The following SOX5 variants were observed in gnomAD, a reference collection of about 807,000 sequenced individuals.
The protein encoded by SOX5 is SRY-box transcription factor 5, also known as transcription factor SOX-5.
Under a neutral mutation model 92.0 loss-of-function variants are expected in SOX5, and 9 were observed. The observed-to-expected ratio is 0.10, with a 90% confidence interval of 0.06 to 0.17. The LOEUF (loss-of-function observed/expected upper bound fraction) is 0.17. SOX5 is among the 10% of genes least tolerant of loss of function. The probability of loss-of-function intolerance (pLI) is 1.00; values close to 1 mark genes in which losing one functional copy is unlikely to be tolerated. For missense variants in SOX5, 642 were observed against 944.5 expected (o/e 0.68, Z 4.20); for synonymous variants, 344 against 336.3 (o/e 1.02, Z -0.25).
chr12:23,688,932 A>G (rs2139987767), intron 6 of SOX5, among the ~76,000 whole-genome samples: 1 of 152,290 alleles, frequency 6.6e-6, no homozygotes, highest in Non-Finnish European at 1.5e-5. Context: ...TTTCTAAAAA[A>G]AGATCAGGAA....
At chr12:23,573,111 A>G (rs1453385228) in intron 10 of SOX5, among the ~76,000 whole-genome samples, 1 of 152,074 alleles carries the variant, frequency 6.6e-6, no homozygotes, top group Non-Finnish European at 1.5e-5. Flanking sequence ...ATCACTTTTC[A>G]TATCTATACA....
chr12:23,761,596 C>T (rs1226853263), intron 3 of SOX5, among the ~76,000 whole-genome samples: 1 of 152,038 alleles, frequency 6.6e-6, no homozygotes, highest in Non-Finnish European at 1.5e-5. Flanking sequence ...ATATCACAAA[C>T]CTATATAAAG....
At chr12:23,854,981 G>A (rs909916377) in intron 2 of SOX5, among the ~76,000 whole-genome samples, 2 of 151,978 alleles carry the variant, frequency 1.3e-5, no homozygotes, top group African/African-American at 2.4e-5. Flanking sequence ...CTATATAAGT[G>A]TTTGTTAAAA....
At chr12:23,536,328 T>C (rs1471155991) in intron 14 of SOX5, 125 bp downstream of exon 14, 2 of 753,286 alleles carry the variant, frequency 2.7e-6, no homozygotes, top group African/African-American at 3.5e-5. Context: ...TATTTGTCTC[T>C]GAAAATACTG....
At chr12:24,296,495 T>A (rs775684862) in intron 2 of SOX5, among the ~76,000 whole-genome samples, 5 of 152,240 alleles carry the variant, frequency 3.3e-5, no homozygotes, top group Non-Finnish European at 7.3e-5. Context: ...CTAAGACCAG[T>A]GCCTCTTGAG....
At position 24,299,259 on chromosome 12, in the gene SOX5, A is replaced by G. The variant is rs575139542; in HGVS notation, c.-173-21947T>C. ...TTGCCCTGAGTAGCTTTGACTCTCA[A>G]TTCCCCTAAAATGTGAGAGACTATT... On this transcript the variant is annotated intron_variant, in intron 2 of 4. Coordinates refer to the SOX5 transcript ENST00000446891. 1.1e-4 allele frequency among the ~76,000 whole-genome samples: 17 copies of G among 152,262 alleles called. No homozygotes were observed. In the South Asian group the frequency reaches 2.3e-3, roughly 20 times the overall value.
chr12:23,711,189 AGTTT>A (rs1390310709), intron 6 of SOX5, among the ~76,000 whole-genome samples: 2 of 152,172 alleles, frequency 1.3e-5, no homozygotes, highest in Admixed American at 1.3e-4. Flanking sequence ...GTGGCATATT[AGTTT>A]GTCACTTTAA....
chr12:23,887,917 A>ATATGTGTGTG (rs71445966), intron 2 of SOX5, among the ~76,000 whole-genome samples: 1 of 144,664 alleles, frequency 6.9e-6, no homozygotes, highest in South Asian at 2.2e-4. Flanking sequence ...CAGTGTGTAT[A>ATATGTGTGTG]TGTGTGTGTG....
At chr12:24,150,651 A>C (rs1293066541) in intron 4 of SOX5, among the ~76,000 whole-genome samples, 1 of 152,124 alleles carries the variant, frequency 6.6e-6, no homozygotes, top group East Asian at 1.9e-4. Context: ...AGCTTAAGAT[A>C]GGGTAGCTAG....
intron 3 of SOX5, among the ~76,000 whole-genome samples, chr12:24,271,039 T>A (rs1016357675): frequency 6.6e-6 from 1 of 152,242 alleles, no homozygotes; most frequent in Admixed American, 6.5e-5. Context: ...TCTCTAGGAA[T>A]AATAAAATTG....
At chr12:24,387,894 T>G (rs1165622487) in intron 1 of SOX5, among the ~76,000 whole-genome samples, 1 of 152,154 alleles carries the variant, frequency 6.6e-6, no homozygotes, top group Non-Finnish European at 1.5e-5. Context: ...ACTGAGCAGC[T>G]CATACTCAGA....
At chr12:24,064,205 T>C (rs1940252527) in intron 4 of SOX5, among the ~76,000 whole-genome samples, 1 of 152,332 alleles carries the variant, frequency 6.6e-6, no homozygotes, top group Admixed American at 6.5e-5. Context: ...TGAGAAACTC[T>C]CCAACACTGG....
intron 3 of SOX5, among the ~76,000 whole-genome samples, chr12:23,845,122 C>T (rs1387645533): frequency 6.6e-6 from 1 of 152,170 alleles, no homozygotes; most frequent in East Asian, 1.9e-4. Flanking sequence ...TAGAAATGAG[C>T]CCAACTTATT....
At chr12:24,331,142 T>TA (rs141888295) in intron 2 of SOX5, 17,755 of 151,694 alleles carry the variant, frequency 0.12, 1,267 homozygotes, top group Middle Eastern at 0.16. Flanking sequence ...TATCCTCATG[T>TA]AAAAAAAAAT....
intron 4 of SOX5, among the ~76,000 whole-genome samples, chr12:23,981,226 G>T (rs1949541785): frequency 6.6e-6 from 1 of 151,776 alleles, no homozygotes; most frequent in African/African-American, 2.4e-5. Flanking sequence ...GGAGGACATG[G>T]AAGTTCGTAG....
chr12:24,421,656 C>T (rs1460502715), intron 1 of SOX5, among the ~76,000 whole-genome samples: 4 of 152,118 alleles, frequency 2.6e-5, no homozygotes, highest in Non-Finnish European at 5.9e-5. Context: ...AAACACATTC[C>T]TGTTTTCTTC....
intron 1 of SOX5, among the ~76,000 whole-genome samples, chr12:23,946,494 T>C (rs192192778): frequency 2.4e-3 from 362 of 152,138 alleles, no homozygotes; most frequent in Admixed American, 3.5e-3. Context: ...ATGAACAAAC[T>C]AATATTGACA....
intron 4 of SOX5, among the ~76,000 whole-genome samples, chr12:24,205,831 T>C (rs2139605994): frequency 6.6e-6 from 1 of 152,302 alleles, no homozygotes; most frequent in South Asian, 2.1e-4. Flanking sequence ...GACTGTGGTT[T>C]ACGTACAAGC....
chr12:23,815,152 T>C (rs1353587848), intron 3 of SOX5, among the ~76,000 whole-genome samples: 1 of 152,146 alleles, frequency 6.6e-6, no homozygotes, highest in Non-Finnish European at 1.5e-5. Flanking sequence ...AATCTCATAA[T>C]CTATATAAAG....
Sources: gnomAD v4.1 joint callset for allele counts (sites outside exome capture counted in the v4.1 genomes callset) on GRCh38, gnomAD v4.1.1 for gene constraint, MANE v1.5 for transcripts, NCBI Gene and HGNC (gene_info 2026-07-23, HGNC 2026-07-21) for gene names.